The following ZNF83 variants were observed in gnomAD, a reference collection of about 807,000 sequenced individuals.
ZNF83 encodes the protein zinc finger protein 83.
For missense variants in ZNF83, 552 were observed against 629.9 expected (o/e 0.88, Z 1.32); for synonymous variants, 209 against 213.0 (o/e 0.98, Z 0.17).
intron 2 of ZNF83, among the ~76,000 whole-genome samples, chr19:52,659,786 A>G (rs2061554975): frequency 6.6e-6 from 1 of 152,226 alleles, no homozygotes. Context: ...GAGACCTATA[A>G]CAAACAACAT....
intron 1 of ZNF83, among the ~76,000 whole-genome samples, chr19:52,670,879 T>C (rs903942473): frequency 6.6e-6 from 1 of 152,224 alleles, no homozygotes; most frequent in Non-Finnish European, 1.5e-5. Flanking sequence ...CTGGGATCAA[T>C]AGAGAGGAAA....
At chr19:52,612,984 G>T in exon 3 of ZNF83, 1 of 1,522,376 alleles carries the variant, frequency 6.6e-7, no homozygotes, top group South Asian at 1.3e-5. Context: ...GTCTTACAAG[G>T]CTTTAATGCT....
intron 3 of ZNF83, among the ~76,000 whole-genome samples, chr19:52,647,404 T>C (rs897763150): frequency 6.6e-6 from 1 of 152,172 alleles, no homozygotes; most frequent in Non-Finnish European, 1.5e-5. Flanking sequence ...CCTTGGCCTC[T>C]AGAGTAGCTG....
intron 1 of ZNF83, chr19:52,635,678 C>T (rs778926167): frequency 6.6e-6 from 1 of 152,072 alleles, no homozygotes; most frequent in Admixed American, 6.5e-5. Flanking sequence ...AGCCTGCCAA[C>T]ATGTTGAAAC....
chr19:52,658,683 C>G (rs189116832), intron 2 of ZNF83, among the ~76,000 whole-genome samples: 22 of 152,250 alleles, frequency 1.4e-4, no homozygotes, highest in Admixed American at 1.4e-3. Context: ...TGAAGGCACC[C>G]GGTTCTTACC....
chr19:52,653,271 G>A (rs2061466704), intron 3 of ZNF83: 1 of 1,481,764 alleles, frequency 6.7e-7, no homozygotes, highest in Admixed American at 1.7e-5. Context: ...GACATGCAAG[G>A]TGTGCTTTTT....
chr19:52,616,493 T>C (rs2060309174), intron 2 of ZNF83, among the ~76,000 whole-genome samples: 1 of 152,092 alleles, frequency 6.6e-6, no homozygotes, highest in African/African-American at 2.4e-5. Flanking sequence ...ATCAAGGATA[T>C]ACTGGATAAA....
intron 1 of ZNF83, among the ~76,000 whole-genome samples, chr19:52,679,263 A>C (rs1245408038): frequency 4.6e-5 from 7 of 152,192 alleles, no homozygotes; most frequent in Admixed American, 4.6e-4. Context: ...TCATTAGTTT[A>C]TGGGATGAAC....
At chr19:52,631,961 G>C (rs919617349) in intron 2 of ZNF83, among the ~76,000 whole-genome samples, 1 of 141,710 alleles carries the variant, frequency 7.1e-6, no homozygotes, top group South Asian at 2.3e-4. Context: ...TACACATCAA[G>C]CTCGAGGATT....
At chr19:52,671,846 T>G (rs537770551) in intron 1 of ZNF83, among the ~76,000 whole-genome samples, 22 of 152,346 alleles carry the variant, frequency 1.4e-4, no homozygotes, top group African/African-American at 5.1e-4. Context: ...TGTTAGGATT[T>G]ATTTTCATAT....
intron 2 of ZNF83, among the ~76,000 whole-genome samples, chr19:52,620,234 GTATATA>G (rs1409455675): frequency 9.1e-6 from 1 of 109,464 alleles, no homozygotes; most frequent in Non-Finnish European, 2.2e-5. Context: ...ATGTGTATAT[GTATATA>G]TGTGTGTGTA....
chr19:52,639,807 AC>A (rs1419384990), upstream of ZNF83, among the ~76,000 whole-genome samples: 7 of 152,154 alleles, frequency 4.6e-5, no homozygotes, highest in African/African-American at 1.7e-4. Context: ...AATCATCTTC[AC>A]GATGATAATA....
At chr19:52,612,681 C>A in exon 3 of ZNF83, 1 of 273,226 alleles carries the variant, frequency 3.7e-6, no homozygotes, top group East Asian at 7.5e-5. Context: ...TGGTTTCCCA[C>A]TCTCAGTGTT....
At chr19:52,639,164 G>A (rs2147215341), upstream of ZNF83, among the ~76,000 whole-genome samples, 1 of 152,116 alleles carries the variant, frequency 6.6e-6, no homozygotes, top group East Asian at 1.9e-4. Flanking sequence ...GTGCAATGGC[G>A]CGATCTCTGT....
At chr19:52,648,926 C>A (rs2061408472) in intron 3 of ZNF83, among the ~76,000 whole-genome samples, 1 of 152,174 alleles carries the variant, frequency 6.6e-6, no homozygotes, top group South Asian at 2.1e-4. Flanking sequence ...AAACTCCAGG[C>A]CCTACCTCCA....
chr19:52,629,586 C>G (rs527963787), intron 2 of ZNF83, among the ~76,000 whole-genome samples: 217 of 152,316 alleles, frequency 1.4e-3, no homozygotes, highest in African/African-American at 4.6e-3. Context: ...CCTCCCCCAC[C>G]TGCCCAGCAA....
At chr19:52,627,379 G>A (rs1482565840) in intron 2 of ZNF83, among the ~76,000 whole-genome samples, 1 of 152,064 alleles carries the variant, frequency 6.6e-6, no homozygotes, top group African/African-American at 2.4e-5. Flanking sequence ...AAACTATTGG[G>A]GGCCAGGTGT....
chr19:52,680,770 GC>G (rs2147348623), intron 1 of ZNF83, among the ~76,000 whole-genome samples: 1 of 141,242 alleles, frequency 7.1e-6, no homozygotes, highest in Non-Finnish European at 1.5e-5. Context: ...CCGCCACTAC[GC>G]CCGGCTAATT....
At chr19:52,681,557 C>T (rs961630984) in intron 1 of ZNF83, among the ~76,000 whole-genome samples, 2 of 152,180 alleles carry the variant, frequency 1.3e-5, no homozygotes, top group Non-Finnish European at 2.9e-5. Flanking sequence ...CATAAAATAA[C>T]ATACTGTCCC....
Sources: allele counts gnomAD v4.1 joint callset (sites outside exome capture counted in the v4.1 genomes callset), GRCh38; gene constraint gnomAD v4.1.1; transcripts MANE v1.5; gene names NCBI Gene and HGNC (gene_info 2026-07-23, HGNC 2026-07-21).